The following DIAPH2 variants were observed in gnomAD, a reference collection of about 807,000 sequenced individuals.
The protein encoded by DIAPH2 is protein diaphanous homolog 2.
Under a neutral mutation model 92.7 loss-of-function variants are expected in DIAPH2, and 35 were observed. That is an observed-to-expected ratio of 0.38 (90% CI 0.29 to 0.50). DIAPH2 has a LOEUF of 0.50. Among genes scored for constraint, DIAPH2 ranks in the 20% least tolerant of loss-of-function variants. The pLI, the probability that DIAPH2 is intolerant of heterozygous loss-of-function variation, is 0.94. For synonymous variants in DIAPH2, 301 were observed against 280.4 expected, an observed-to-expected ratio of 1.07 and a Z score of -0.73; for missense variants, 701 against 819.5, an observed-to-expected ratio of 0.86 and a Z score of 1.77.
intron 4 of DIAPH2, among the ~76,000 whole-genome samples, chrX:96,781,671 C>A (rs957889472): frequency 1.0e-4 from 11 of 109,889 alleles, no homozygotes; most frequent in African/African-American, 2.6e-4. Context: ...TACTATTTTT[C>A]TACAAACATT....
At chrX:97,528,964 C>T (rs1286228467) in intron 26 of DIAPH2, 3 of 110,069 alleles carry the variant, frequency 2.7e-5, no homozygotes, top group African/African-American at 1.0e-4. Context: ...ATCTCAGCTA[C>T]TCAGGAGACT....
chrX:97,072,001 C>T (rs1337892959), intron 17 of DIAPH2, among the ~76,000 whole-genome samples: 2 of 111,975 alleles, frequency 1.8e-5, no homozygotes, highest in Admixed American at 9.5e-5. Flanking sequence ...ACTAGCTTTA[C>T]TTTTCTTATA....
chrX:96,937,185 C>A (rs750865538), intron 10 of DIAPH2, 48 bp from the exon 11 acceptor site: 1 of 670,478 alleles, frequency 1.5e-6, no homozygotes, highest in Non-Finnish European at 2.2e-6. Context: ...CTAAATATGC[C>A]GTTGTCAAAC....
intron 25 of DIAPH2, among the ~76,000 whole-genome samples, chrX:97,399,614 C>T (rs1418032634): frequency 1.8e-5 from 2 of 111,878 alleles, no homozygotes; most frequent in Non-Finnish European, 3.8e-5. Context: ...TGGTGGGTGA[C>T]ATCATGATTT....
intron 4 of DIAPH2, among the ~76,000 whole-genome samples, chrX:96,871,767 A>G (rs2065145019): frequency 8.9e-6 from 1 of 112,470 alleles, no homozygotes; most frequent in Admixed American, 9.4e-5. Context: ...ATAAACACAT[A>G]TGTTCACACA....
intron 22 of DIAPH2, among the ~76,000 whole-genome samples, chrX:97,216,402 T>C (rs937336884): frequency 9.0e-6 from 1 of 110,693 alleles, no homozygotes; most frequent in African/African-American, 3.3e-5. Flanking sequence ...CCTCCTGGAC[T>C]CAAGGGATCC....
At chrX:97,213,042 A>T (rs896047645) in intron 22 of DIAPH2, among the ~76,000 whole-genome samples, 3 of 111,764 alleles carry the variant, frequency 2.7e-5, no homozygotes, top group African/African-American at 9.7e-5. Context: ...CAGTTTGTGG[A>T]ACTTAGAATT....
intron 17 of DIAPH2, among the ~76,000 whole-genome samples, chrX:97,068,721 C>A (rs1466136557): frequency 1.8e-5 from 2 of 111,781 alleles, no homozygotes; most frequent in Non-Finnish European, 3.8e-5. Context: ...GGAATCACCT[C>A]TGGAATTGTA....
intron 22 of DIAPH2, among the ~76,000 whole-genome samples, chrX:97,205,715 A>T (rs766731995): frequency 1.8e-5 from 2 of 111,687 alleles, no homozygotes; most frequent in South Asian, 7.7e-4. Flanking sequence ...GGGAGTGTAA[A>T]TTAGTTCAAC....
At chrX:97,531,182 A>T (rs185651406) in intron 26 of DIAPH2, among the ~76,000 whole-genome samples, 1 of 111,707 alleles carries the variant, frequency 9.0e-6, no homozygotes, top group Non-Finnish European at 1.9e-5. Flanking sequence ...TAATAGAGAT[A>T]GGTTGTATTG....
chrX:97,474,955 T>C (rs1346595220), intron 26 of DIAPH2, among the ~76,000 whole-genome samples: 3 of 109,757 alleles, frequency 2.7e-5, no homozygotes, highest in African/African-American at 1.0e-4. Context: ...CCCCCATAAC[T>C]CCTTGATTCT....
chrX:97,257,195 G>A (rs1389562852), intron 23 of DIAPH2, among the ~76,000 whole-genome samples: 1 of 111,652 alleles, frequency 9.0e-6, no homozygotes, highest in East Asian at 2.8e-4. Context: ...TAATAGGATT[G>A]TATGTATACC....
intron 24 of DIAPH2, among the ~76,000 whole-genome samples, chrX:97,382,873 G>A (rs1011521585): frequency 6.2e-5 from 7 of 112,287 alleles, no homozygotes; most frequent in African/African-American, 1.6e-4. Context: ...CCTTGTAGAC[G>A]TATTCTCGTT....
chrX:96,948,886 C>T (rs535081682), intron 14 of DIAPH2, 49 bp from the exon 15 acceptor site: 57 of 812,881 alleles, frequency 7.0e-5, no homozygotes, highest in South Asian at 3.4e-4. Context: ...TTCTTTAAAG[C>T]GTTCTGAAAA....
intron 23 of DIAPH2, among the ~76,000 whole-genome samples, chrX:97,263,030 A>T (rs954812275): frequency 8.9e-6 from 1 of 112,390 alleles, no homozygotes; most frequent in East Asian, 2.8e-4. Flanking sequence ...AAAAGGTATT[A>T]TATGTAAGGC....
At chrX:96,991,591 T>G (rs1187109179) in intron 17 of DIAPH2, among the ~76,000 whole-genome samples, 2 of 106,811 alleles carry the variant, frequency 1.9e-5, no homozygotes, top group Non-Finnish European at 3.9e-5. Flanking sequence ...GCTAATTGCT[T>G]CAATATTATT....
At chrX:97,503,239 A>G (rs1038914582) in intron 26 of DIAPH2, among the ~76,000 whole-genome samples, 1 of 112,128 alleles carries the variant, frequency 8.9e-6, no homozygotes, top group Non-Finnish European at 1.9e-5. Context: ...GGGAAATTAT[A>G]CCAGTGGTAG....
chrX:96,702,508 G>A (rs775276313), intron 1 of DIAPH2, among the ~76,000 whole-genome samples: 5 of 112,214 alleles, frequency 4.5e-5, no homozygotes, highest in Admixed American at 9.4e-5. Context: ...AGCACAAATC[G>A]TGTTAATTCC....
intron 26 of DIAPH2, among the ~76,000 whole-genome samples, chrX:97,526,520 T>C (rs1029292107): frequency 9.2e-6 from 1 of 109,076 alleles, no homozygotes; most frequent in African/African-American, 3.3e-5. Context: ...AAGGTAAGAA[T>C]AGACATTGAA....
Sources: gnomAD v4.1 joint callset for allele counts (sites outside exome capture counted in the v4.1 genomes callset) on GRCh38, gnomAD v4.1.1 for gene constraint, MANE v1.5 for transcripts, NCBI Gene and HGNC (gene_info 2026-07-23, HGNC 2026-07-21) for gene names.